ARHGEF28: variants seen among roughly 807,000 people sequenced by gnomAD.
The protein encoded by ARHGEF28 is 190 kDa guanine nucleotide exchange factor.
In ARHGEF28, 152 loss-of-function variants were observed where a neutral mutation model predicts 206.6. The ratio of observed to expected loss-of-function variants is 0.74; its 90% CI spans 0.64 to 0.84. The LOEUF (loss-of-function observed/expected upper bound fraction) is 0.84. Ranked by LOEUF, ARHGEF28 falls within the 40% of genes least tolerant of loss-of-function variation. The pLI, the probability that ARHGEF28 is intolerant of heterozygous loss-of-function variation, is 0.00. For missense variants in ARHGEF28, 2,028 were observed against 2,073.2 expected, an observed-to-expected ratio of 0.98 and a Z score of 0.42; for synonymous variants, 763 against 776.4, an observed-to-expected ratio of 0.98 and a Z score of 0.29.
chr5:73,821,115 C>T (rs1302812963), intron 9 of ARHGEF28, among the ~76,000 whole-genome samples: 1 of 152,002 alleles, frequency 6.6e-6, no homozygotes, highest in Non-Finnish European at 1.5e-5. Flanking sequence ...AGCTCTCATT[C>T]ATCCCTACCT....
intron 1 of ARHGEF28, among the ~76,000 whole-genome samples, chr5:73,633,155 G>A (rs775462011): frequency 2.0e-5 from 3 of 152,102 alleles, no homozygotes; most frequent in Non-Finnish European, 4.4e-5. Context: ...ACGGGAGGTG[G>A]AGCTCAGGCA....
At chr5:73,838,485 G>A (rs1757797436) in intron 10 of ARHGEF28, among the ~76,000 whole-genome samples, 1 of 152,048 alleles carries the variant, frequency 6.6e-6, no homozygotes, top group African/African-American at 2.4e-5. Flanking sequence ...TTCACATGAT[G>A]AAAGTTACTT....
At chr5:73,770,432 AC>A (rs1753161594) in intron 4 of ARHGEF28, among the ~76,000 whole-genome samples, 1 of 152,156 alleles carries the variant, frequency 6.6e-6, no homozygotes, top group South Asian at 2.1e-4. Context: ...TATAGGTCGT[AC>A]CTTTTAATGT....
chr5:73,633,813 G>GTGAT (rs766356515), intron 1 of ARHGEF28, among the ~76,000 whole-genome samples: 3 of 151,916 alleles, frequency 2.0e-5, no homozygotes, highest in Non-Finnish European at 4.4e-5. Context: ...CTGATCTCAG[G>GTGAT]TGATCTACCC....
Position 73,940,947 on chromosome 5 carries a change from A to G in ARHGEF28, c.5052A>G (p.Thr1684=). The G allele has an allele frequency of 6.5e-7, 1 of 1,534,770 alleles. No individual in the cohort carries two copies. Among genetic ancestry groups the G allele is most frequent in the Non-Finnish European group, 8.7e-7 (1 of 1,146,640 alleles). ...CAGAAGCAAAGCTAAATCTACCGACAAGGACAATGACCAGACAAGATGGGG... is the reference window on the plus strand; with the variant it reads ...CAGAAGCAAAGCTAAATCTACCGACGAGGACAATGACCAGACAAGATGGGG... ...FITEAKLNLP[T]RTMTRQDGET... Residue 1684 remains threonine, a synonymous_variant, in exon 36 of 36, where the codon ACA becomes ACG. Coordinates refer to ENST00000513042, the MANE Select transcript of ARHGEF28 (RefSeq NM_001177693.2).
rs776065094 is a variant in ARHGEF28, at chr5:73,776,658, T to C, written c.802T>C (p.Phe268Leu). 4 of 1,613,612 alleles carry C rather than the reference T, an allele frequency of 2.5e-6. No individual in the cohort carries two copies. In the South Asian group the frequency reaches 3.3e-5, roughly 13 times the overall value. The change falls in exon 6 of 36, where the codon TTC becomes CTC. Residue 268 changes from phenylalanine to leucine, a missense_variant. Transcript: ENST00000513042. ...TTTGTTGGAGGCAGATATTAAACTCTTCCGGAAATACTTTTGGGATAGAGC... is the reference window on the plus strand; with the variant it reads ...TTTGTTGGAGGCAGATATTAAACTCCTCCGGAAATACTTTTGGGATAGAGC... ...EHLLEADIKL[F>L]RKYFWDRAFL...
chr5:73,629,507 C>A (rs370698078), intron 1 of ARHGEF28, among the ~76,000 whole-genome samples: 74 of 138,302 alleles, frequency 5.4e-4, no homozygotes, highest in South Asian at 9.3e-4. Context: ...GACTCTGTCT[C>A]AAAAAAAAAA....
At chr5:73,784,991 C>T (rs961028269) in intron 7 of ARHGEF28, among the ~76,000 whole-genome samples, 1 of 152,036 alleles carries the variant, frequency 6.6e-6, no homozygotes, top group African/African-American at 2.4e-5. Context: ...GGACACTGGA[C>T]AATGAAATAA....
chr5:73,735,186 TTTA>T (rs1393400435), intron 2 of ARHGEF28, among the ~76,000 whole-genome samples: 1 of 151,668 alleles, frequency 6.6e-6, no homozygotes, highest in African/African-American at 2.4e-5. Context: ...AATTTATTAA[TTTA>T]TTAAGTAATT....
At chr5:73,650,306 A>G (rs1744726170) in intron 1 of ARHGEF28, among the ~76,000 whole-genome samples, 1 of 106,072 alleles carries the variant, frequency 9.4e-6, no homozygotes, top group Non-Finnish European at 1.8e-5. Flanking sequence ...TTTTTTTTAG[A>G]CGGAGTCTCA....
intron 1 of ARHGEF28, among the ~76,000 whole-genome samples, chr5:73,684,187 A>G (rs556664156): frequency 1.1e-3 from 161 of 152,246 alleles, no homozygotes; most frequent in African/African-American, 3.7e-3. Flanking sequence ...GAACTTCCTT[A>G]TCTTCCCAAA....
At position 73,940,913 on chromosome 5, in the gene ARHGEF28, C is replaced by T. The variant is rs1036472928; in HGVS notation, c.5018C>T (p.Ala1673Val). Residue 1673 changes from alanine (A) to valine (V), a missense_variant, in exon 36 of 36, where the codon GCG becomes GTG. Physicochemically the swap from Ala to Val is moderately conservative, Grantham distance 64 (BLOSUM62 0). Coordinates refer to ENST00000513042, the MANE Select transcript of ARHGEF28 (RefSeq NM_001177693.2). ...AATTCACACCGCCCTCAACTGCAGG[C>T]GTTTATAACAGAAGCAAAGCTAAAT... ...DSNSHRPQLQ[A>V]FITEAKLNLP... is the part of the protein sequence containing the mutation. 24 of 1,534,414 alleles carry T rather than the reference C, an allele frequency of 1.6e-5. No homozygotes were observed. Among genetic ancestry groups the T allele is most frequent in the African/African-American group, 8.2e-5 (6 of 72,920 alleles).
chr5:73,751,236 C>T (rs555744016), intron 3 of ARHGEF28, among the ~76,000 whole-genome samples: 1 of 152,226 alleles, frequency 6.6e-6, no homozygotes, highest in East Asian at 1.9e-4. Flanking sequence ...GTGGGGAAAC[C>T]CCATCTCTAT....
intron 35 of ARHGEF28, among the ~76,000 whole-genome samples, chr5:73,929,145 T>C (rs1763974855): frequency 6.6e-6 from 1 of 152,188 alleles, no homozygotes; most frequent in Non-Finnish European, 1.5e-5. Flanking sequence ...CTTTGACATA[T>C]TTCTTGTCTA....
intron 1 of ARHGEF28, among the ~76,000 whole-genome samples, chr5:73,628,116 C>T (rs1743122209): frequency 6.6e-6 from 1 of 151,880 alleles, no homozygotes; most frequent in Non-Finnish European, 1.5e-5. Flanking sequence ...TATGTGAGTA[C>T]TGCAGAAGAG....
intron 2 of ARHGEF28, among the ~76,000 whole-genome samples, chr5:73,704,559 G>T (rs1748815360): frequency 6.6e-6 from 1 of 152,046 alleles, no homozygotes; most frequent in Non-Finnish European, 1.5e-5. Context: ...TGAGTAGCTG[G>T]CATTACAGGT....
Position 73,893,061 on chromosome 5 carries a change from G to C in ARHGEF28, c.3567-136G>C, listed in dbSNP as rs563478422. The C allele has an allele frequency of 4.7e-6, 3 of 636,490 alleles. No homozygotes were observed. In the East Asian group the frequency reaches 9.0e-5, roughly 19 times the overall value. 39.4% of individuals were successfully genotyped at this position (636,490 alleles called of 1,614,324 possible). ...AGAAAACCAAGTCTCTGGCCAGGGG[G>C]GATGATGCATTCCCTTTATGCTGAA... On this transcript the variant is annotated intron_variant, in intron 27 of 35. Transcript: ENST00000513042.
intron 4 of ARHGEF28, among the ~76,000 whole-genome samples, chr5:73,770,168 C>G (rs1270382800): frequency 6.6e-6 from 1 of 152,196 alleles, no homozygotes; most frequent in Non-Finnish European, 1.5e-5. Flanking sequence ...AAGCTTTGAC[C>G]TGTGCTGTTT....
intron 2 of ARHGEF28, among the ~76,000 whole-genome samples, chr5:73,743,772 A>T (rs1751569272): frequency 6.6e-6 from 1 of 152,142 alleles, no homozygotes; most frequent in South Asian, 2.1e-4. Flanking sequence ...TGTTGCATAC[A>T]TTTTCCGGAG....
Sources: allele counts gnomAD v4.1 joint callset (sites outside exome capture counted in the v4.1 genomes callset), GRCh38; gene constraint gnomAD v4.1.1; transcripts MANE v1.5; gene names NCBI Gene and HGNC (gene_info 2026-07-23, HGNC 2026-07-21).